Variants in PTPRT observed in about 807,000 individuals in gnomAD.
PTPRT encodes protein tyrosine phosphatase receptor type T.
Under a neutral mutation model 176.8 loss-of-function variants are expected in PTPRT, and 56 were observed. The observed-to-expected ratio is 0.32, with a 90% confidence interval of 0.26 to 0.40. The LOEUF (loss-of-function observed/expected upper bound fraction) is 0.40, where lower values mean the gene tolerates loss of function less well. PTPRT is among the 10% of genes least tolerant of loss of function. PTPRT has a pLI of 1.00. For synonymous variants in PTPRT, 783 were observed against 739.0 expected (o/e 1.06, Z -0.96); for missense variants, 1,540 against 1,908.2 (o/e 0.81, Z 3.60).
intron 15 of PTPRT, among the ~76,000 whole-genome samples, chr20:42,222,655 G>A (rs1229225642): frequency 6.6e-6 from 1 of 152,222 alleles, no homozygotes; most frequent in Non-Finnish European, 1.5e-5. Flanking sequence ...ACGCGTGGAG[G>A]TTCCTGGATG....
intron 1 of PTPRT, among the ~76,000 whole-genome samples, chr20:42,888,764 T>C (rs2079144327): frequency 2.0e-5 from 3 of 152,248 alleles, no homozygotes; most frequent in Admixed American, 2.0e-4. Context: ...TCAACAAGTT[T>C]TTTTAATGGG....
At chr20:42,453,746 A>G (rs1334144919) in intron 8 of PTPRT, among the ~76,000 whole-genome samples, 1 of 150,792 alleles carries the variant, frequency 6.6e-6, no homozygotes, top group African/African-American at 2.4e-5. Flanking sequence ...TCTTGGCTCA[A>G]TGCAACCTCC....
At chr20:42,817,275 G>A (rs1394938186) in intron 2 of PTPRT, among the ~76,000 whole-genome samples, 2 of 151,724 alleles carry the variant, frequency 1.3e-5, no homozygotes, top group African/African-American at 2.4e-5. Context: ...CTGTGAGGGC[G>A]GGATCTGAAA....
chr20:42,914,833 G>A (rs963482511), intron 1 of PTPRT, among the ~76,000 whole-genome samples: 3 of 151,834 alleles, frequency 2.0e-5, no homozygotes, highest in Non-Finnish European at 4.4e-5. Context: ...GGGCAATAAG[G>A]GCTTATTATG....
At chr20:42,845,141 T>C (rs577600618) in intron 2 of PTPRT, among the ~76,000 whole-genome samples, 2 of 152,278 alleles carry the variant, frequency 1.3e-5, no homozygotes, top group South Asian at 4.1e-4. Context: ...CTCCCTTGCC[T>C]GAGTGTGTGA....
rs73907239 is a variant in PTPRT, at chr20:42,693,271, G to A, written c.860-15112C>T. On this transcript the variant is annotated intron_variant, in intron 6 of 30. Transcript: ENST00000373187. ...CTCATGAATTAGAAGAATCAATATT[G>A]TAAAGTTGTATATTCTCCTTATGTT... Among the ~76,000 whole-genome samples, 726 of 152,232 alleles carry A rather than the reference G, an allele frequency of 4.8e-3. 9 individuals are homozygous for A. The highest frequency in any genetic ancestry group is 0.016 in the African/African-American group (681 of 41,548).
At chr20:42,033,930 T>G in the PTPRT span, among the ~76,000 whole-genome samples, 5 of 152,232 alleles carry the variant, frequency 3.3e-5, no homozygotes, top group African/African-American at 1.2e-4. Context: ...GAATAAGTCC[T>G]AATTATGGTC....
At chr20:42,050,817 C>T in the PTPRT span, among the ~76,000 whole-genome samples, 2 of 152,134 alleles carry the variant, frequency 1.3e-5, no homozygotes, top group East Asian at 3.9e-4. Flanking sequence ...GGCTGCTGTG[C>T]CCATGATTCA....
chr20:42,099,553 G>GGC lies in PTPRT; in HGVS notation c.3715-1002_3715-1001insGC, dbSNP rs1985694520. Among the ~76,000 whole-genome samples, 3 of 71,386 alleles carry GGC rather than the reference G, an allele frequency of 4.2e-5. 1 individual carries two copies. The highest frequency in any genetic ancestry group is 6.1e-4 in the East Asian group (1 of 1,636). The allele number at this position is 71,386 out of a possible 152,430, so 46.8% of individuals were successfully genotyped here. A position where few individuals can be genotyped will look rare whatever the true frequency, so the allele number is the denominator to read the frequency against. Reference sequence around the variant, plus strand: ...CAGAGAAAATGGCCTGGGCGGGGGGGGGGGGGGTGGGGTGGTCTGGCAGCT... The same window carrying GGC: ...CAGAGAAAATGGCCTGGGCGGGGGGGGCGGGGGGGTGGGGTGGTCTGGCAGCT... On this transcript the variant is annotated intron_variant, in intron 26 of 30. Transcript: ENST00000373187.
intron 1 of PTPRT, among the ~76,000 whole-genome samples, chr20:42,973,112 G>A (rs1169792158): frequency 6.6e-6 from 1 of 151,450 alleles, no homozygotes; most frequent in Non-Finnish European, 1.5e-5. Flanking sequence ...GGGGAGAGAT[G>A]GTAGCTGCAA....
intron 6 of PTPRT, among the ~76,000 whole-genome samples, chr20:42,744,716 C>G (rs1486157318): frequency 6.6e-6 from 1 of 152,208 alleles, no homozygotes; most frequent in African/African-American, 2.4e-5. Context: ...GATTCAGGGA[C>G]CCAGGCGTGT....
chr20:42,424,604 G>T (rs1459002499), intron 9 of PTPRT, among the ~76,000 whole-genome samples: 2 of 152,032 alleles, frequency 1.3e-5, no homozygotes, highest in Non-Finnish European at 2.9e-5. Context: ...GGTACAATTA[G>T]CTGGTGTAAT....
At position 42,349,824 on chromosome 20, in the gene PTPRT, G is replaced by A. The variant is rs571337610; in HGVS notation, c.1865+804C>T. On this transcript the variant is annotated intron_variant, in intron 11 of 30. Transcript: ENST00000373187. ...GCTGCCCTTGTGCAAAGTGTATCTT[G>A]TTTAAAAGAGATGCCCACGCTCCTG... Among the ~76,000 whole-genome samples, 27 of 152,328 alleles carry A rather than the reference G, an allele frequency of 1.8e-4. No individual in the cohort carries two copies. In the South Asian group the frequency reaches 5.2e-3, roughly 29 times the overall value.
the PTPRT span, among the ~76,000 whole-genome samples, chr20:42,033,301 G>A: frequency 6.6e-6 from 1 of 152,174 alleles, no homozygotes; most frequent in Admixed American, 6.5e-5. Context: ...CCAGGCTAGA[G>A]TTCTCTCTGC....
At chr20:43,164,248 C>T (rs938753684) in intron 1 of PTPRT, among the ~76,000 whole-genome samples, 2 of 152,176 alleles carry the variant, frequency 1.3e-5, no homozygotes, top group Admixed American at 6.5e-5. Context: ...GCAGAGGATT[C>T]GGCACTGGCT....
intron 1 of PTPRT, among the ~76,000 whole-genome samples, chr20:43,031,584 A>G (rs1183135893): frequency 1.3e-5 from 2 of 152,240 alleles, no homozygotes; most frequent in Non-Finnish European, 2.9e-5. Context: ...CTATTTTTAC[A>G]GACAAGAACA....
chr20:42,118,351 C>A, intron 21 of PTPRT, 52 bp downstream of exon 21: 1 of 1,474,682 alleles, frequency 6.8e-7, no homozygotes, highest in Non-Finnish European at 9.3e-7. Context: ...AAGAGATGTT[C>A]GAGAGTGCAT....
chr20:42,600,568 T>C (rs754197292), intron 7 of PTPRT, among the ~76,000 whole-genome samples: 51 of 152,188 alleles, frequency 3.4e-4, no homozygotes, highest in Non-Finnish European at 4.4e-4. Context: ...CACCGGATAG[T>C]GTACATTGCG....
chr20:42,653,199 T>TC (rs1017326415), intron 7 of PTPRT, among the ~76,000 whole-genome samples: 1 of 152,076 alleles, frequency 6.6e-6, no homozygotes, highest in Non-Finnish European at 1.5e-5. Flanking sequence ...AAGGGGCTTT[T>TC]CCCCCACTTG....
Sources: gnomAD v4.1 joint callset for allele counts (sites outside exome capture counted in the v4.1 genomes callset) on GRCh38, gnomAD v4.1.1 for gene constraint, MANE v1.5 for transcripts, NCBI Gene and HGNC (gene_info 2026-07-23, HGNC 2026-07-21) for gene names.